HHLA2: variants seen among roughly 807,000 people sequenced by gnomAD.
HHLA2 encodes the protein HHLA2 member of B7 family, also known as HERV-H LTR-associating protein 2.
In HHLA2, 48 loss-of-function variants were observed where a neutral mutation model predicts 45.9. That is an observed-to-expected ratio of 1.05 (90% CI 0.83 to 1.33). The LOEUF (loss-of-function observed/expected upper bound fraction) is 1.33, where lower values mean the gene tolerates loss of function less well. Ranked by LOEUF, HHLA2 falls within the 40% of genes most tolerant of loss-of-function variation. HHLA2 has a pLI of 0.00. For synonymous variants in HHLA2, 161 were observed against 173.9 expected (o/e 0.93, Z 0.59); for missense variants, 462 against 494.3 (o/e 0.93, Z 0.62).
At chr3:108,370,817 T>C (rs1337935889) in intron 8 of HHLA2, among the ~76,000 whole-genome samples, 2 of 152,080 alleles carry the variant, frequency 1.3e-5, no homozygotes, top group Non-Finnish European at 2.9e-5. Flanking sequence ...CCAAGAAATA[T>C]GGGACTATGT....
chr3:108,317,171 A>G (rs758145640), intron 2 of HHLA2, among the ~76,000 whole-genome samples: 1 of 152,234 alleles, frequency 6.6e-6, no homozygotes, highest in Non-Finnish European at 1.5e-5. Context: ...TTATAGAAAG[A>G]CACTGTGGCC....
chr3:108,354,987 T>A lies in HHLA2; in HGVS notation c.419-128T>A, dbSNP rs916374196. 9.8e-6 allele frequency: 9 copies of A among 914,550 alleles called. No individual in the cohort carries two copies. The African/African-American group carries it at 1.2e-4, about 12-fold the overall frequency. The allele number at this position is 914,550 out of a possible 1,614,324, so 56.7% of individuals were successfully genotyped here. ...TTTGTTGGTTTGTTTTCCCTTTCAG[T>A]AACTGCCAAGTTTTGCTCATAAAAT... is the stretch of plus-strand genomic sequence containing the variant. On this transcript the variant is annotated intron_variant, in intron 5 of 10. Transcript: ENST00000619531.
At chr3:108,354,539 T>G (rs981333565) in intron 5 of HHLA2, among the ~76,000 whole-genome samples, 1 of 152,072 alleles carries the variant, frequency 6.6e-6, no homozygotes, top group Admixed American at 6.6e-5. Context: ...ATCAGGCTGC[T>G]GATCATTTAT....
chr3:108,326,551 A>T (rs2081291987), intron 2 of HHLA2: 1 of 152,244 alleles, frequency 6.6e-6, no homozygotes. Context: ...GCTACAATTC[A>T]AGATAAAATT....
At chr3:108,326,105 C>T (rs33988908) in intron 2 of HHLA2, 116,228 of 245,236 alleles carry the variant, frequency 0.47, 28,797 homozygotes, top group Non-Finnish European at 0.53. Flanking sequence ...TGATGGTCTT[C>T]GGTGTCTTTT....
intron 3 of HHLA2, among the ~76,000 whole-genome samples, chr3:108,342,852 G>A (rs765033479): frequency 6.6e-6 from 1 of 152,154 alleles, no homozygotes; most frequent in Non-Finnish European, 1.5e-5. Context: ...AATGCTTTGA[G>A]AGGTCTTCCT....
chr3:108,301,965 T>A (rs1397788650), intron 1 of HHLA2, among the ~76,000 whole-genome samples: 1 of 152,186 alleles, frequency 6.6e-6, no homozygotes, highest in Non-Finnish European at 1.5e-5. Context: ...TCCACATAAC[T>A]GAGCTGAGGT....
chr3:108,307,238 T>G (rs1271859389), intron 1 of HHLA2, among the ~76,000 whole-genome samples: 1 of 152,232 alleles, frequency 6.6e-6, no homozygotes, highest in Non-Finnish European at 1.5e-5. Context: ...TTTATTGTAT[T>G]CTACCTCTTT....
intron 1 of HHLA2, among the ~76,000 whole-genome samples, chr3:108,306,385 A>G (rs2080930231): frequency 6.6e-6 from 1 of 152,150 alleles, no homozygotes; most frequent in South Asian, 2.1e-4. Context: ...TTCCTGAGTG[A>G]AATAGATTAT....
intron 3 of HHLA2, among the ~76,000 whole-genome samples, chr3:108,346,412 C>A (rs951517565): frequency 4.6e-5 from 7 of 152,148 alleles, no homozygotes; most frequent in Admixed American, 1.3e-4. Flanking sequence ...TTTGTTAAGA[C>A]GTCTTTTACA....
chr3:108,358,081 A>G lies in HHLA2; in HGVS notation c.923A>G (p.Asn308Ser), dbSNP rs200975428. 49 of 1,613,778 alleles carry G rather than the reference A, an allele frequency of 3.0e-5. No individual in the cohort carries two copies. The African/African-American group carries it at 5.9e-4, about 19-fold the overall frequency. Residue 308 changes from asparagine (N) to serine (S), a missense_variant, in exon 7 of 11, where the codon AAT (asparagine) becomes AGT (serine). Asn to Ser is a conservative substitution (Grantham distance 46). Around this residue, in one of 3 missense-constraint regions of HHLA2, gnomAD observed 335 missense variants for 367.4 expected, o/e 0.91. Transcript: ENST00000619531. ...TTCTCTATGAATTTGATGGATCTTA[A>G]TCTTTCAGACAGTGGGGAATATTTA...
chr3:108,377,400 A>C (rs2082293845), exon 11 of HHLA2: 1 of 687,466 alleles, frequency 1.5e-6, no homozygotes, highest in Admixed American at 2.8e-5. Flanking sequence ...CTACCACTGC[A>C]AAGAGTTGTA....
intron 3 of HHLA2, among the ~76,000 whole-genome samples, chr3:108,329,609 G>A (rs990423615): frequency 2.0e-5 from 3 of 152,144 alleles, no homozygotes; most frequent in African/African-American, 7.2e-5. Flanking sequence ...CTGGGAACAG[G>A]CATGGCACTA....
At chr3:108,328,224 G>A in intron 2 of HHLA2, 1 of 841,492 alleles carries the variant, frequency 1.2e-6, no homozygotes, top group Non-Finnish European at 1.7e-6. Context: ...GGTCATCTGG[G>A]GCATTGATAC....
chr3:108,358,772 A>G (rs1262322971), intron 7 of HHLA2, among the ~76,000 whole-genome samples: 1 of 152,216 alleles, frequency 6.6e-6, no homozygotes, highest in Non-Finnish European at 1.5e-5. Context: ...CCCTTAAACT[A>G]TCAACTTCAC....
intron 8 of HHLA2, among the ~76,000 whole-genome samples, chr3:108,366,755 C>T (rs2082069439): frequency 6.6e-6 from 1 of 152,180 alleles, no homozygotes; most frequent in Non-Finnish European, 1.5e-5. Flanking sequence ...AGTTTATTTG[C>T]TTAGAGGTGT....
intron 8 of HHLA2, among the ~76,000 whole-genome samples, chr3:108,369,698 C>T (rs766901130): frequency 1.7e-4 from 26 of 152,256 alleles, no homozygotes; most frequent in Non-Finnish European, 2.8e-4. Context: ...CCTACACCCA[C>T]GGAGTCTCGC....
intron 1 of HHLA2, among the ~76,000 whole-genome samples, chr3:108,298,534 T>C (rs1472400092): frequency 6.6e-6 from 1 of 152,250 alleles, no homozygotes; most frequent in Non-Finnish European, 1.5e-5. Context: ...AAAATGCATA[T>C]TTCTCTTTCT....
chr3:108,368,175 A>T (rs528486691), intron 8 of HHLA2, among the ~76,000 whole-genome samples: 11 of 152,216 alleles, frequency 7.2e-5, no homozygotes, highest in African/African-American at 2.6e-4. Flanking sequence ...TTCTGTCACC[A>T]CTAGGCCTGC....
Sources: allele counts gnomAD v4.1 joint callset (sites outside exome capture counted in the v4.1 genomes callset), GRCh38; gene constraint gnomAD v4.1.1; regional missense constraint gnomAD v4.1.1; transcripts MANE v1.5; gene names NCBI Gene and HGNC (gene_info 2026-07-23, HGNC 2026-07-21).